Variants in CSMD1 observed in about 807,000 individuals in gnomAD.
CSMD1 encodes CUB and sushi domain-containing protein 1.
CSMD1 carries 213 observed loss-of-function variants against 417.5 expected under a neutral mutation model. That is an observed-to-expected ratio of 0.51 (90% CI 0.46 to 0.57). The LOEUF (loss-of-function observed/expected upper bound fraction) is 0.57. Among genes scored for constraint, CSMD1 ranks in the 20% least tolerant of loss-of-function variants. CSMD1 has a pLI of 0.00. For missense variants in CSMD1, 6,923 were observed against 4,529.7 expected, an observed-to-expected ratio of 1.53 and a Z score of -15.17; for synonymous variants, 2,862 against 1,736.8, an observed-to-expected ratio of 1.65 and a Z score of -16.11.
chr8:3,511,861 T>G (rs894332708), intron 10 of CSMD1, among the ~76,000 whole-genome samples: 1 of 151,488 alleles, frequency 6.6e-6, no homozygotes, highest in South Asian at 2.1e-4. Flanking sequence ...AAATGTAATA[T>G]GCAATTTATC....
At chr8:3,725,483 T>C (rs561828048) in intron 6 of CSMD1, among the ~76,000 whole-genome samples, 11 of 152,126 alleles carry the variant, frequency 7.2e-5, no homozygotes, top group African/African-American at 2.2e-4. Flanking sequence ...CCGGTGCTGA[T>C]TTTGTGGGTG....
intron 5 of CSMD1, among the ~76,000 whole-genome samples, chr8:3,813,018 T>C (rs958989633): frequency 6.6e-6 from 1 of 151,952 alleles, no homozygotes; most frequent in African/African-American, 2.4e-5. Context: ...TACTTAATGG[T>C]ATATTGTGAC....
chr8:3,556,415 T>TATATATACACACACACATACATA (rs1799148435), intron 10 of CSMD1, among the ~76,000 whole-genome samples: 8 of 57,102 alleles, frequency 1.4e-4, no homozygotes, highest in African/African-American at 5.0e-4. Flanking sequence ...ATATATATAT[T>TATATATACACACACACATACATA]CACACACACA....
intron 3 of CSMD1, among the ~76,000 whole-genome samples, chr8:4,273,312 T>C (rs1018149496): frequency 2.0e-5 from 3 of 152,182 alleles, no homozygotes; most frequent in African/African-American, 7.2e-5. Context: ...TTTCCAGTTT[T>C]ATGTCAAAAG....
At chr8:3,216,393 A>G (rs1797882300) in intron 29 of CSMD1, among the ~76,000 whole-genome samples, 1 of 152,162 alleles carries the variant, frequency 6.6e-6, no homozygotes, top group Non-Finnish European at 1.5e-5. Context: ...TGTTCACAAT[A>G]TTTTCCCCTA....
chr8:3,812,212 G>C (rs538773259), intron 5 of CSMD1, among the ~76,000 whole-genome samples: 1 of 152,006 alleles, frequency 6.6e-6, no homozygotes, highest in Non-Finnish European at 1.5e-5. Flanking sequence ...ACAATATATC[G>C]TTTGTACTCA....
chr8:4,202,877 G>C (rs1262612506), intron 3 of CSMD1, among the ~76,000 whole-genome samples: 5 of 152,174 alleles, frequency 3.3e-5, no homozygotes, highest in Non-Finnish European at 7.4e-5. Flanking sequence ...GAAATAGAGG[G>C]TGTCCTGGAG....
chr8:4,605,825 G>C (rs1283953653), intron 2 of CSMD1, among the ~76,000 whole-genome samples: 5 of 152,162 alleles, frequency 3.3e-5, no homozygotes, highest in Non-Finnish European at 7.3e-5. Flanking sequence ...ACTTGATGGT[G>C]GACAAGGGTT....
At chr8:4,847,343 A>C (rs2116812251) in intron 1 of CSMD1, among the ~76,000 whole-genome samples, 1 of 152,348 alleles carries the variant, frequency 6.6e-6, no homozygotes, top group African/African-American at 2.4e-5. Context: ...TTGAATCCTA[A>C]ACAATGACAC....
chr8:4,070,548 G>C (rs559078971), intron 3 of CSMD1, among the ~76,000 whole-genome samples: 3 of 152,066 alleles, frequency 2.0e-5, no homozygotes, highest in Non-Finnish European at 4.4e-5. Context: ...TAGTAGAGAC[G>C]GGGTTTCACC....
intron 5 of CSMD1, among the ~76,000 whole-genome samples, chr8:3,921,388 C>T (rs930289793): frequency 7.9e-5 from 12 of 151,956 alleles, no homozygotes; most frequent in African/African-American, 2.9e-4. Context: ...TTTCTAGCCT[C>T]TATTTAATTT....
At chr8:4,650,120 C>T (rs58463612) in intron 1 of CSMD1, among the ~76,000 whole-genome samples, 8 of 152,040 alleles carry the variant, frequency 5.3e-5, no homozygotes, top group African/African-American at 9.6e-5. Flanking sequence ...CCGAGGCGGG[C>T]GGATCACGAG....
chr8:4,370,427 C>A (rs1351759665), intron 3 of CSMD1, among the ~76,000 whole-genome samples: 1 of 152,072 alleles, frequency 6.6e-6, no homozygotes, highest in Non-Finnish European at 1.5e-5. Flanking sequence ...TGGAAAGGGT[C>A]ATCTTGTATA....
chr8:4,814,625 C>T (rs1189525101), intron 1 of CSMD1, among the ~76,000 whole-genome samples: 1 of 152,194 alleles, frequency 6.6e-6, no homozygotes, highest in East Asian at 1.9e-4. Context: ...TAGTATTGAT[C>T]AAGGGTCTTC....
Position 3,408,039 on chromosome 8 carries a change from C to T in CSMD1, c.1931G>A (p.Gly644Asp), listed in dbSNP as rs1223383164. The T allele has an allele frequency of 6.8e-6, 11 of 1,613,772 alleles. No individual in the cohort carries two copies. The South Asian group carries it at 8.8e-5, about 13-fold the overall frequency. ...ACCCAGGACAGTTATGTCAGAAATG[C>T]CATCATCCTTGACCGCGAGAAAGTC... ...QFDFLAVKDD[G>D]ISDITVLGTF... The change falls in exon 14 of 70, where the codon GGC becomes GAC. Residue 644 changes from glycine (G) to aspartate (D), a missense_variant. By Grantham distance (94) the Gly-to-Asp change is moderately conservative (BLOSUM62 -1). Transcript: ENST00000635120.
chr8:3,652,823 T>C (rs1307928212), intron 7 of CSMD1, among the ~76,000 whole-genome samples: 1 of 152,176 alleles, frequency 6.6e-6, no homozygotes, highest in Non-Finnish European at 1.5e-5. Flanking sequence ...GGGCAAGACT[T>C]TGTTTTGCTC....
intron 41 of CSMD1, among the ~76,000 whole-genome samples, chr8:3,138,875 T>A (rs1443611549): frequency 6.6e-6 from 1 of 152,196 alleles, no homozygotes; most frequent in Non-Finnish European, 1.5e-5. Flanking sequence ...GTAAACGCTT[T>A]CATCACAAAA....
intron 1 of CSMD1, among the ~76,000 whole-genome samples, chr8:4,724,502 G>A (rs1302680791): frequency 6.9e-6 from 1 of 144,600 alleles, no homozygotes; most frequent in Non-Finnish European, 1.5e-5. Flanking sequence ...TACTAATATA[G>A]TAGCTCTTTA....
chr8:4,355,726 C>T (rs1479890464), intron 3 of CSMD1, among the ~76,000 whole-genome samples: 1 of 152,188 alleles, frequency 6.6e-6, no homozygotes, highest in Non-Finnish European at 1.5e-5. Flanking sequence ...AGCAATGCAT[C>T]TTTATTCATT....
Sources: allele counts gnomAD v4.1 joint callset (sites outside exome capture counted in the v4.1 genomes callset), GRCh38; gene constraint gnomAD v4.1.1; transcripts MANE v1.5; gene names NCBI Gene and HGNC (gene_info 2026-07-23, HGNC 2026-07-21).